The following TMEM114 variants were observed in gnomAD, a reference collection of about 807,000 sequenced individuals.
TMEM114 encodes the protein claudin-26.
Under a neutral mutation model 6.2 loss-of-function variants are expected in TMEM114, and 6 were observed. The ratio of observed to expected loss-of-function variants is 0.97; its 90% CI spans 0.53 to 1.91. The LOEUF is 1.91. Ranked by LOEUF, TMEM114 falls within the 40% of genes most tolerant of loss-of-function variation. The pLI is 0.01. For synonymous variants in TMEM114, 104 were observed against 73.0 expected (o/e 1.42, Z -2.16); for missense variants, 218 against 158.3 (o/e 1.38, Z -2.02).
the TMEM114 span, among the ~76,000 whole-genome samples, chr16:8,528,428 G>A: frequency 6.6e-6 from 1 of 152,082 alleles, no homozygotes; most frequent in Non-Finnish European, 1.5e-5. Flanking sequence ...CTTCTGACCT[G>A]CTCCCCCAAA....
intron 2 of TMEM114, among the ~76,000 whole-genome samples, chr16:8,541,219 G>T (rs1567194107): frequency 6.6e-6 from 1 of 152,056 alleles, no homozygotes; most frequent in Non-Finnish European, 1.5e-5. Context: ...TTACTAATGG[G>T]GAAACAGGCT....
chr16:8,553,746 G>T, intron 2 of TMEM114, among the ~76,000 whole-genome samples: 1 of 152,052 alleles, frequency 6.6e-6, no homozygotes, highest in East Asian at 1.9e-4. Flanking sequence ...CTCCCAAAGT[G>T]CTGGGATTAC....
At chr16:8,542,767 G>A (rs1484836415) in intron 2 of TMEM114, among the ~76,000 whole-genome samples, 2 of 151,892 alleles carry the variant, frequency 1.3e-5, no homozygotes, top group Admixed American at 6.6e-5. Flanking sequence ...GAGGGAACTG[G>A]GATATTTCCA....
the TMEM114 span, among the ~76,000 whole-genome samples, chr16:8,528,825 G>A: frequency 0.042 from 6,374 of 152,312 alleles, 281 homozygotes; most frequent in Non-Finnish European, 0.053. Context: ...CTCTGTGTGT[G>A]CTTCTGAAGA....
In TMEM114 at chr16:8,572,179, A is replaced by G. The variant is rs201790227; in HGVS notation, c.347T>C (p.Leu116Pro). 5.8e-6 allele frequency: 9 copies of G among 1,551,648 alleles called. No individual in the cohort carries two copies. The East Asian group carries it at 2.2e-4, about 38-fold the overall frequency. ...FVILLPLSLI[L>P]MVFGGMTGFL... ...CCCCGTCATCCCCCCAAAAACCATCAGGATCAGGCTGAGCGGCAGCAGAAT... is the reference window on the plus strand; with the variant it reads ...CCCCGTCATCCCCCCAAAAACCATCGGGATCAGGCTGAGCGGCAGCAGAAT... Residue 116 changes from leucine (L) to proline (P), a missense_variant, in exon 3 of 4, where the codon CTG (leucine) becomes CCG (proline). Leu to Pro is a moderately conservative substitution (Grantham distance 98, BLOSUM62 -3). Coordinates refer to ENST00000620492, the MANE Select transcript of TMEM114 (RefSeq NM_001146336.2).
At chr16:8,547,370 C>T (rs540119600) in intron 2 of TMEM114, among the ~76,000 whole-genome samples, 9 of 145,608 alleles carry the variant, frequency 6.2e-5, no homozygotes, top group Admixed American at 2.8e-4. Context: ...TGAAGAGACG[C>T]GCTTTCTTTC....
intron 2 of TMEM114, among the ~76,000 whole-genome samples, chr16:8,559,257 G>A (rs1464085192): frequency 2.0e-5 from 3 of 151,720 alleles, no homozygotes; most frequent in Non-Finnish European, 2.9e-5. Flanking sequence ...TGGCCAGGCT[G>A]GTCTCCAACT....
At chr16:8,579,371 T>C (rs1044330928) in intron 2 of TMEM114, among the ~76,000 whole-genome samples, 1 of 152,210 alleles carries the variant, frequency 6.6e-6, no homozygotes, top group Non-Finnish European at 1.5e-5. Context: ...TTCCTAACCT[T>C]GTCAGTGTGA....
At chr16:8,536,083 G>A (rs58767297), downstream of TMEM114, among the ~76,000 whole-genome samples, 1,603 of 152,042 alleles carry the variant, frequency 0.011, 33 homozygotes, top group African/African-American at 0.037. Context: ...AAATCAGCTG[G>A]GTGTGGTGAC....
intron 2 of TMEM114, among the ~76,000 whole-genome samples, chr16:8,587,355 G>C (rs2141703808): frequency 6.6e-6 from 1 of 152,332 alleles, no homozygotes; most frequent in African/African-American, 2.4e-5. Context: ...TGGGAATTCA[G>C]CAGTGGCAAG....
chr16:8,560,922 G>C (rs887435404), intron 2 of TMEM114, among the ~76,000 whole-genome samples: 1 of 152,170 alleles, frequency 6.6e-6, no homozygotes, highest in Non-Finnish European at 1.5e-5. Flanking sequence ...ACGTGGCTGG[G>C]GAGGCCTCAC....
At chr16:8,531,624 G>T in the TMEM114 span, among the ~76,000 whole-genome samples, 1 of 152,198 alleles carries the variant, frequency 6.6e-6, no homozygotes, top group African/African-American at 2.4e-5. Flanking sequence ...CAAAGTTCCT[G>T]CTGAAAGAGA....
At chr16:8,553,938 G>C (rs1442946768) in intron 2 of TMEM114, among the ~76,000 whole-genome samples, 2 of 151,490 alleles carry the variant, frequency 1.3e-5, no homozygotes, top group Non-Finnish European at 2.9e-5. Context: ...GAGTACAGTG[G>C]TGCAATCTCA....
chr16:8,556,927 T>G (rs1901030972), intron 2 of TMEM114, among the ~76,000 whole-genome samples: 1 of 152,240 alleles, frequency 6.6e-6, no homozygotes, highest in South Asian at 2.1e-4. Flanking sequence ...TGGCCCCTGC[T>G]GACCGCTCCA....
intron 2 of TMEM114, among the ~76,000 whole-genome samples, chr16:8,577,636 T>G (rs1023386870): frequency 2.9e-4 from 44 of 152,018 alleles, no homozygotes; most frequent in African/African-American, 1.0e-3. Context: ...CAGGCTGGAA[T>G]GCAATGGTGC....
In TMEM114 at chr16:8,589,274, C is replaced by T; in HGVS notation, c.240G>A (p.Pro80=). ...TCTCCAGCCTGAAGGGGTTCATCAG[C>T]GGTGTGCACGGGCTCTGCACTGGAT... ...RTCRVQSPCT[P]LMNPFRLENV... is the part of the protein sequence containing the mutation. The change falls in exon 2 of 4, where the codon CCG becomes CCA. Residue 80 remains proline (P), a synonymous_variant. Coordinates refer to ENST00000620492, the MANE Select transcript of TMEM114 (RefSeq NM_001146336.2). 5.0e-6 allele frequency: 2 copies of T among 398,796 alleles called. No homozygotes were observed. The highest frequency in any genetic ancestry group is 4.4e-6 in the Non-Finnish European group (1 of 226,206). 24.7% of individuals were successfully genotyped at this position (398,796 alleles called of 1,614,324 possible). A position where few individuals can be genotyped will look rare whatever the true frequency, so the allele number is the denominator to read the frequency against.
chr16:8,529,643 T>C, the TMEM114 span, among the ~76,000 whole-genome samples: 1 of 152,056 alleles, frequency 6.6e-6, no homozygotes, highest in African/African-American at 2.4e-5. Flanking sequence ...CATTGGTGTT[T>C]CTCATGCACA....
chr16:8,564,169 G>A (rs1296212098), intron 2 of TMEM114, among the ~76,000 whole-genome samples: 1 of 151,282 alleles, frequency 6.6e-6, no homozygotes, highest in Non-Finnish European at 1.5e-5. Flanking sequence ...GAATGAGTGA[G>A]TAAATGAGTG....
chr16:8,562,457 TGAGG>T (rs1209531108), intron 2 of TMEM114, among the ~76,000 whole-genome samples: 34 of 149,966 alleles, frequency 2.3e-4, no homozygotes, highest in Admixed American at 5.9e-4. Flanking sequence ...AATGAGTGAG[TGAGG>T]GAGGGAGGGA....
Sources: gnomAD v4.1 joint callset for allele counts (sites outside exome capture counted in the v4.1 genomes callset) on GRCh38, gnomAD v4.1.1 for gene constraint, MANE v1.5 for transcripts, NCBI Gene and HGNC (gene_info 2026-07-23, HGNC 2026-07-21) for gene names.